CHI3L1: variants seen among roughly 807,000 people sequenced by gnomAD.
CHI3L1 encodes chitinase-3-like protein 1.
In CHI3L1, 30 loss-of-function variants were observed where a neutral mutation model predicts 40.7. The ratio of observed to expected loss-of-function variants is 0.74; its 90% CI spans 0.55 to 1.00. The LOEUF is 1.00. Among genes scored for constraint, CHI3L1 ranks in the 50% least tolerant of loss-of-function variants. The probability of loss-of-function intolerance (pLI) is 0.00; values close to 1 mark genes in which losing one functional copy is unlikely to be tolerated. For missense variants in CHI3L1, 493 were observed against 492.2 expected (o/e 1.00, Z -0.01); for synonymous variants, 210 against 192.1 (o/e 1.09, Z -0.77).
chr1:203,185,588 G>A (rs1393644358), intron 2 of CHI3L1, among the ~76,000 whole-genome samples: 2 of 152,202 alleles, frequency 1.3e-5, no homozygotes, highest in Non-Finnish European at 2.9e-5. Flanking sequence ...TGAAAATAAG[G>A]CCTATTCTGA....
intron 4 of CHI3L1, among the ~76,000 whole-genome samples, chr1:203,184,263 C>CT (rs1656007588): frequency 1.3e-5 from 2 of 152,244 alleles, no homozygotes; most frequent in Admixed American, 6.5e-5. Flanking sequence ...GTTTCCATCT[C>CT]TCTCTTTCCA....
intron 3 of CHI3L1, 77 bp downstream of exon 3, chr1:203,185,107 C>T (rs1656027847): frequency 1.6e-6 from 2 of 1,288,200 alleles, no homozygotes; most frequent in Non-Finnish European, 2.2e-6. Flanking sequence ...GGGCCTCGCC[C>T]TTCCTCCTGG....
rs74793122 is a variant in CHI3L1, at chr1:203,183,758, G to T, written c.348C>A (p.Arg116=). 6.4e-4 allele frequency: 1,036 copies of T among 1,614,198 alleles called. 13 individuals are homozygous for T. In the African/African-American group the frequency reaches 0.012, roughly 19 times the overall value. ...FSKIASNTQS[R]RTFIKSVPPF... The stretch of plus-strand genomic sequence containing the variant: ...GCGGTACTGACTTGATGAAAGTCCG[G>T]CGACTCTGGGTGTTGGAGGCTATCT... The change falls in exon 5 of 10, where the codon CGC becomes CGA. Residue 116 remains arginine (R), a synonymous_variant. Transcript: ENST00000255409.
chr1:203,183,650 GGTGGTAAAATGC>G lies in CHI3L1; in HGVS notation c.444_455del (p.Gln148_Thr152delinsHis). 1 of 1,614,094 alleles carries G rather than the reference GGTGGTAAAATGC, an allele frequency of 6.2e-7. No individual in the cohort carries two copies. Among genetic ancestry groups the G allele is most frequent in the Middle Eastern group, 1.7e-4 (1 of 6,046 alleles). ...CTGACCTGACCAGCACCTTGATTAG[GGTGGTAAAATGC>G]TGTTTGTCTCTCCGTCCAGGGTAGA... is the stretch of plus-strand genomic sequence containing the variant. On this transcript the variant is annotated inframe_deletion, in exon 5 of 10. Coordinates refer to ENST00000255409, the MANE Select transcript of CHI3L1 (RefSeq NM_001276.4).
In CHI3L1 at chr1:203,185,065, C is replaced by A. The variant is rs982865353; in HGVS notation, c.257+119G>T. The A allele has an allele frequency of 8.6e-6, 7 of 818,284 alleles. No individual in the cohort carries two copies. In the Admixed American group the frequency reaches 1.1e-4, roughly 13 times the overall value. 50.7% of individuals were successfully genotyped at this position (818,284 alleles called of 1,614,324 possible). A position where few individuals can be genotyped will look rare whatever the true frequency, so the allele number is the denominator to read the frequency against. ...CCCTCCACCCATTTAAGCCAAGCCC[C>A]TCTAACTCTCCAAACATAGGTGAGC... On this transcript the variant is annotated intron_variant, in intron 3 of 9. Coordinates refer to ENST00000255409, the MANE Select transcript of CHI3L1 (RefSeq NM_001276.4).
chr1:203,183,065 T>C (rs2297840), intron 5 of CHI3L1, among the ~76,000 whole-genome samples: 8 of 152,110 alleles, frequency 5.3e-5, no homozygotes, highest in Non-Finnish European at 1.2e-4. Flanking sequence ...CCCAAACCCA[T>C]GCACACCCAT....
At chr1:203,184,464 C>A (rs1382948690) in intron 4 of CHI3L1, 112 bp downstream of exon 4, 10 of 847,856 alleles carry the variant, frequency 1.2e-5, no homozygotes, top group Non-Finnish European at 1.8e-5. Context: ...AGGCCTTGTA[C>A]CTATCTAGTC....
chr1:203,183,067 C>T (rs1217788775), intron 5 of CHI3L1, among the ~76,000 whole-genome samples: 2 of 152,200 alleles, frequency 1.3e-5, no homozygotes, highest in East Asian at 3.8e-4. Context: ...CAAACCCATG[C>T]ACACCCATCA....
chr1:203,183,288 C>T (rs568842145), intron 5 of CHI3L1, among the ~76,000 whole-genome samples: 22 of 152,292 alleles, frequency 1.4e-4, no homozygotes, highest in African/African-American at 5.3e-4. Context: ...ACTTAGGCTG[C>T]CCCCAGGCAG....
At chr1:203,184,215 T>C (rs1352150814) in intron 4 of CHI3L1, among the ~76,000 whole-genome samples, 1 of 151,950 alleles carries the variant, frequency 6.6e-6, no homozygotes, top group Non-Finnish European at 1.5e-5. Context: ...ATCCAAAGAC[T>C]CCTCCCAGGG....
chr1:203,181,281 G>C lies in CHI3L1; in HGVS notation c.592C>G (p.Leu198Val), dbSNP rs570730223. 3.7e-6 allele frequency: 6 copies of C among 1,613,840 alleles called. No individual in the cohort carries two copies. In the Admixed American group the frequency reaches 1.0e-4, roughly 27 times the overall value. The change falls in exon 7 of 10, where the codon CTG becomes GTG. Residue 198 changes from leucine to valine, a missense_variant. By Grantham distance (32) the Leu-to-Val change is conservative. Transcript: ENST00000255409. The stretch of plus-strand genomic sequence containing the variant: ...TAGGTCATGATGCTAATGAAATCCA[G>C]GTGTCTGAGGAGGAAGGGGATGGAG... ...SYDIAKISQH[L>V]DFISIMTYDF... is the part of the protein sequence containing the mutation.
In CHI3L1 at chr1:203,183,676, G is replaced by A. The variant is rs374975768; in HGVS notation, c.430C>T (p.Arg144Trp). ...GLDLAWLYPG[R>W]RDKQHFTTLI... is the part of the protein sequence containing the mutation. ...GTGGTAAAATGCTGTTTGTCTCTCC[G>A]TCCAGGGTAGAGCCAGGCAAGGTCC... Residue 144 changes from arginine to tryptophan, a missense_variant, in exon 5 of 10, where the codon CGG (arginine) becomes TGG (tryptophan). Arg to Trp is a moderately radical substitution (Grantham distance 101). Transcript: ENST00000255409. The A allele has an allele frequency of 4.5e-5, 72 of 1,614,130 alleles. 1 individual carries two copies. In the Admixed American group the frequency reaches 8.5e-4, roughly 19 times the overall value.
intron 4 of CHI3L1, 78 bp downstream of exon 4, chr1:203,184,498 A>G: frequency 2.6e-6 from 3 of 1,170,386 alleles, no homozygotes; most frequent in Non-Finnish European, 3.9e-6. Context: ...ACATCCATAC[A>G]GTGGATGCGG....
chr1:203,186,369 C>G (rs1393699251), intron 1 of CHI3L1, 24 bp from the exon 2 acceptor site: 1 of 1,584,554 alleles, frequency 6.3e-7, no homozygotes, highest in South Asian at 1.2e-5. Flanking sequence ...CAGGATGAGA[C>G]CCCTGCAAGT....
chr1:203,184,910 G>T (rs1255195930), intron 3 of CHI3L1, among the ~76,000 whole-genome samples: 1 of 152,120 alleles, frequency 6.6e-6, no homozygotes, highest in Non-Finnish European at 1.5e-5. Flanking sequence ...GTAGAGTCTT[G>T]CTCATTTTCC....
rs1656029939 is a variant in CHI3L1 at position 203,185,184 on chromosome 1, C to T, written c.257G>A (p.Arg86Lys). ...CTCTCCTGGCCAGCCCTGGCCCAAC[C>T]TGTTCTTGAGTGTGTTGAGCATGCC... ...LYGMLNTLKN[R>K]NPNLKTLLSV... is the part of the protein sequence containing the mutation. The change falls in exon 3 of 10, where the codon AGG becomes AAG. Residue 86 changes from arginine to lysine, a missense_variant and splice_region_variant. Transcript: ENST00000255409. The T allele has an allele frequency of 6.2e-7, 1 of 1,613,676 alleles. No individual in the cohort carries two copies. The highest frequency in any genetic ancestry group is 8.5e-7 in the Non-Finnish European group (1 of 1,179,874).
chr1:203,183,455 A>G (rs906936579), intron 5 of CHI3L1, among the ~76,000 whole-genome samples, 186 bp downstream of exon 5: 1 of 151,948 alleles, frequency 6.6e-6, no homozygotes, highest in Non-Finnish European at 1.5e-5. Flanking sequence ...CCCACCTCCC[A>G]CCATGGTCAC....
Position 203,179,380 on chromosome 1 carries a change from C to T in CHI3L1, c.*65G>A, listed in dbSNP as rs888073208. The T allele has an allele frequency of 1.3e-5, 19 of 1,434,770 alleles. No individual in the cohort carries two copies. Among genetic ancestry groups the T allele is most frequent in the African/African-American group, 2.9e-5 (2 of 69,860 alleles). The allele number at this position is 1,434,770 out of a possible 1,614,324, so 88.9% of individuals were successfully genotyped here. A position where few individuals can be genotyped will look rare whatever the true frequency, so the allele number is the denominator to read the frequency against. Reference sequence around the variant, plus strand: ...TCAGCAGGGCAGGTGATCAGGCTCCCGGCCAGCTGGAGCCAGAGGGGGACG... The same window carrying T: ...TCAGCAGGGCAGGTGATCAGGCTCCTGGCCAGCTGGAGCCAGAGGGGGACG... On this transcript the variant is annotated 3_prime_UTR_variant, in exon 10 of 10. Coordinates refer to ENST00000255409, the MANE Select transcript of CHI3L1 (RefSeq NM_001276.4).
chr1:203,181,191 C>A lies in CHI3L1; in HGVS notation c.682G>T (p.Asp228Tyr). 6.2e-7 allele frequency: 1 copy of A among 1,614,188 alleles called. No individual in the cohort carries two copies. The highest frequency in any genetic ancestry group is 8.5e-7 in the Non-Finnish European group (1 of 1,180,018). Residue 228 changes from aspartate (D) to tyrosine (Y), a missense_variant, in exon 7 of 10, where the codon GAT (aspartate) becomes TAT (tyrosine). By Grantham distance (160) the Asp-to-Tyr change is radical. Coordinates refer to ENST00000255409, the MANE Select transcript of CHI3L1 (RefSeq NM_001276.4). ...HHSPLFRGQEDASPDRFSNTD... is the reference protein window; with the variant it reads ...HHSPLFRGQEYASPDRFSNTD... ...TTGCTGAATCTGTCAGGACTTGCAT[C>A]CTCCTGACCTCGGAACAGGGGACTG...
Sources: allele counts gnomAD v4.1 joint callset (sites outside exome capture counted in the v4.1 genomes callset), GRCh38; gene constraint gnomAD v4.1.1; transcripts MANE v1.5; gene names NCBI Gene and HGNC (gene_info 2026-07-23, HGNC 2026-07-21).